CTBP2: variants seen among roughly 807,000 people sequenced by gnomAD.
CTBP2 encodes the protein C-terminal-binding protein 2.
CTBP2 carries 30 observed loss-of-function variants against 80.3 expected under a neutral mutation model. The observed-to-expected ratio is 0.37, with a 90% CI of 0.28 to 0.51. The LOEUF is 0.51. CTBP2 is among the 20% of genes least tolerant of loss of function. The probability of loss-of-function intolerance (pLI) is 0.93; values close to 1 mark genes in which losing one functional copy is unlikely to be tolerated. For synonymous variants in CTBP2, 594 were observed against 587.4 expected (o/e 1.01, Z -0.16); for missense variants, 1,212 against 1,375.3 (o/e 0.88, Z 1.88).
intron 1 of CTBP2, among the ~76,000 whole-genome samples, chr10:125,134,817 C>T (rs1369000431): frequency 1.3e-5 from 2 of 151,752 alleles, no homozygotes; most frequent in African/African-American, 4.8e-5. Flanking sequence ...CCCTCCCAGC[C>T]TGGAGAGGGA....
chr10:124,991,473 C>T (rs1952605355), intron 8 of CTBP2, among the ~76,000 whole-genome samples: 1 of 152,156 alleles, frequency 6.6e-6, no homozygotes, highest in Admixed American at 6.5e-5. Flanking sequence ...TTTTGAGGGC[C>T]AAAAGGACGG....
chr10:124,995,036 CCT>C (rs1049055112), intron 4 of CTBP2, among the ~76,000 whole-genome samples: 1 of 152,246 alleles, frequency 6.6e-6, no homozygotes, highest in African/African-American at 2.4e-5. Context: ...CGTTCCCACC[CCT>C]CTCCCCACTT....
chr10:125,093,172 G>GA (rs1194421348), intron 2 of CTBP2, among the ~76,000 whole-genome samples: 4 of 152,212 alleles, frequency 2.6e-5, no homozygotes. Context: ...CTTTCTACAT[G>GA]AGCATCTTTA....
At chr10:125,128,067 C>T (rs1444918446) in intron 1 of CTBP2, among the ~76,000 whole-genome samples, 3 of 152,108 alleles carry the variant, frequency 2.0e-5, no homozygotes, top group Non-Finnish European at 4.4e-5. Context: ...CTGCAGCTTC[C>T]TGAGGCCCAT....
At chr10:125,065,099 G>T (rs1242651861) in intron 2 of CTBP2, among the ~76,000 whole-genome samples, 1 of 152,138 alleles carries the variant, frequency 6.6e-6, no homozygotes, top group Admixed American at 6.5e-5. Context: ...AAAATACATC[G>T]TACTGTCCCC....
chr10:125,002,623 G>C (rs755237628), intron 3 of CTBP2, among the ~76,000 whole-genome samples: 15 of 152,190 alleles, frequency 9.9e-5, no homozygotes, highest in Admixed American at 2.0e-4. Context: ...ACCCAGCAGG[G>C]GTGGTTTAGA....
intron 1 of CTBP2, among the ~76,000 whole-genome samples, chr10:125,148,929 G>C (rs1859308908): frequency 6.6e-6 from 1 of 152,218 alleles, no homozygotes; most frequent in African/African-American, 2.4e-5. Context: ...TGAGTGAAAA[G>C]CATGCGCCGT....
At chr10:125,081,526 G>A (rs970790051) in intron 2 of CTBP2, among the ~76,000 whole-genome samples, 1 of 152,112 alleles carries the variant, frequency 6.6e-6, no homozygotes, top group South Asian at 2.1e-4. Context: ...TACTCTGTGC[G>A]TGTGTTTCTG....
At chr10:125,154,589 C>G (rs958414190) in intron 1 of CTBP2, among the ~76,000 whole-genome samples, 2 of 152,240 alleles carry the variant, frequency 1.3e-5, no homozygotes, top group Non-Finnish European at 2.9e-5. Context: ...AAAACATTCA[C>G]TGAGGGAGGG....
intron 6 of CTBP2, 38 bp from the exon 9 acceptor site, chr10:124,993,367 G>A (rs1952984169): frequency 1.3e-6 from 2 of 1,589,730 alleles, no homozygotes; most frequent in Non-Finnish European, 1.7e-6. Flanking sequence ...AGCGGGAAAT[G>A]TCGCATACGC....
chr10:125,088,512 ATCAC>A (rs1396080727), intron 2 of CTBP2, among the ~76,000 whole-genome samples: 1 of 152,192 alleles, frequency 6.6e-6, no homozygotes, highest in Non-Finnish European at 1.5e-5. Context: ...GCTGCTGGTC[ATCAC>A]TCAATCAGCC....
intron 1 of CTBP2, among the ~76,000 whole-genome samples, chr10:125,125,393 A>C (rs762812021): frequency 2.0e-5 from 3 of 152,194 alleles, no homozygotes; most frequent in Non-Finnish European, 2.9e-5. Context: ...CCCTCTTCTC[A>C]ACTTTAGGAA....
rs777935576 is a variant in CTBP2 at position 124,984,838 on chromosome 10, G to C, written c.*4680C>G. 6.2e-7 allele frequency: 1 copy of C among 1,613,916 alleles called. No individual in the cohort carries two copies. The highest frequency in any genetic ancestry group is 1.7e-5 in the Admixed American group (1 of 59,992). Reference sequence around the variant, plus strand: ...TGGCTGGACTGCTGTGTGACGGAGGGGGGAGTTCTGGTTGCCATGCAGAAG... The same window carrying C: ...TGGCTGGACTGCTGTGTGACGGAGGCGGGAGTTCTGGTTGCCATGCAGAAG... On this transcript the variant is annotated 3_prime_UTR_variant, in exon 9 of 9. Coordinates refer to ENST00000309035, the MANE Select transcript of CTBP2 (RefSeq NM_022802.3).
chr10:125,028,304 C>T (rs1245167488), upstream of CTBP2, among the ~76,000 whole-genome samples: 1 of 152,154 alleles, frequency 6.6e-6, no homozygotes, highest in African/African-American at 2.4e-5. Flanking sequence ...GGGCTGTTCC[C>T]ACCCCTGCCA....
At chr10:125,127,270 A>G (rs1443861859) in intron 1 of CTBP2, among the ~76,000 whole-genome samples, 21 of 152,138 alleles carry the variant, frequency 1.4e-4, no homozygotes, top group Admixed American at 1.4e-3. Flanking sequence ...CACCCCTTGC[A>G]GTGCTCATCA....
At chr10:125,096,744 A>AAGAG (rs1251338606) in intron 2 of CTBP2, among the ~76,000 whole-genome samples, 1 of 124,892 alleles carries the variant, frequency 8.0e-6, no homozygotes, top group Non-Finnish European at 1.6e-5. Context: ...AAATAGCTCA[A>AAGAG]AGAGACTTGT....
chr10:125,117,027 A>G (rs1451129750), intron 1 of CTBP2, among the ~76,000 whole-genome samples: 20 of 152,114 alleles, frequency 1.3e-4, no homozygotes, highest in Non-Finnish European at 2.6e-4. Flanking sequence ...TTTCCTGCGT[A>G]CCACAGTGGC....
At chr10:125,151,436 G>A (rs1038960133) in intron 1 of CTBP2, among the ~76,000 whole-genome samples, 2 of 152,178 alleles carry the variant, frequency 1.3e-5, no homozygotes, top group Non-Finnish European at 2.9e-5. Context: ...AACTGCCACT[G>A]CGCTATTTGT....
intron 1 of CTBP2, among the ~76,000 whole-genome samples, chr10:125,113,817 G>A (rs1852708763): frequency 6.6e-6 from 1 of 152,168 alleles, no homozygotes; most frequent in Non-Finnish European, 1.5e-5. Context: ...CAGAGGAGGT[G>A]ACATTTCGTG....
Sources: allele counts gnomAD v4.1 joint callset (sites outside exome capture counted in the v4.1 genomes callset), GRCh38; gene constraint gnomAD v4.1.1; transcripts MANE v1.5; gene names NCBI Gene and HGNC (gene_info 2026-07-23, HGNC 2026-07-21).